ANKFN1: variants seen among roughly 807,000 people sequenced by gnomAD.
The protein encoded by ANKFN1 is ankyrin repeat and fibronectin type III domain containing 1.
ANKFN1 carries 74 observed loss-of-function variants against 108.7 expected under a neutral mutation model. That is an observed-to-expected ratio of 0.68 (90% CI 0.56 to 0.83). The LOEUF (loss-of-function observed/expected upper bound fraction) is 0.83, where lower values mean the gene tolerates loss of function less well. ANKFN1 is among the 40% of genes least tolerant of loss of function. The probability of loss-of-function intolerance (pLI) is 0.00; values close to 1 mark genes in which losing one functional copy is unlikely to be tolerated. For missense variants in ANKFN1, 1,505 were observed against 1,382.3 expected (o/e 1.09, Z -1.41); for synonymous variants, 547 against 516.2 (o/e 1.06, Z -0.81).
intron 18 of ANKFN1, among the ~76,000 whole-genome samples, chr17:56,483,440 T>A (rs2050772436): frequency 6.6e-6 from 1 of 152,208 alleles, no homozygotes; most frequent in Non-Finnish European, 1.5e-5. Flanking sequence ...GATGTCTCAT[T>A]TGAGCCCTGG....
rs1220822008 is a variant in ANKFN1 at position 56,188,579 on chromosome 17, G to GTATATATATATA, written c.-70-24018_-70-24017insATATATATATAT. On this transcript the variant is annotated intron_variant, in intron 1 of 20. Transcript: ENST00000682825. ...TGTGTGTGTATGTGTGTGTGTGTGT[G>GTATATATATATA]TGTATATATATATATATATATATAT... is the stretch of plus-strand genomic sequence containing the variant. 2.5e-3 allele frequency among the ~76,000 whole-genome samples: 178 copies of GTATATATATATA among 71,316 alleles called. 1 individual carries two copies. Among genetic ancestry groups the GTATATATATATA allele is most frequent in the African/African-American group, 0.011 (150 of 13,194 alleles). 46.8% of individuals were successfully genotyped at this position (71,316 alleles called of 152,430 possible).
intron 4 of ANKFN1, among the ~76,000 whole-genome samples, chr17:56,121,238 G>T (rs1393773380): frequency 1.3e-5 from 2 of 151,280 alleles, no homozygotes; most frequent in Non-Finnish European, 3.0e-5. Context: ...CCCAGGAGTT[G>T]TTCTTGCTTT....
At chr17:56,066,628 T>C (rs561977711) in intron 4 of ANKFN1, among the ~76,000 whole-genome samples, 1 of 152,272 alleles carries the variant, frequency 6.6e-6, no homozygotes, top group East Asian at 1.9e-4. Context: ...TCTTAACCAT[T>C]TTTAGGTTAA....
At chr17:56,354,228 A>G (rs186296252) in intron 6 of ANKFN1, among the ~76,000 whole-genome samples, 182 bp downstream of exon 6, 1 of 152,364 alleles carries the variant, frequency 6.6e-6, no homozygotes, top group African/African-American at 2.4e-5. Context: ...CTAAGCATCA[A>G]GTTCCTTTCT....
At chr17:56,273,500 T>C (rs2043843428) in intron 3 of ANKFN1, among the ~76,000 whole-genome samples, 1 of 152,168 alleles carries the variant, frequency 6.6e-6, no homozygotes, top group Non-Finnish European at 1.5e-5. Flanking sequence ...AGGATTTTGA[T>C]AATATTGTCA....
At chr17:56,315,098 A>C (rs1014571930) in intron 3 of ANKFN1, among the ~76,000 whole-genome samples, 2 of 152,174 alleles carry the variant, frequency 1.3e-5, no homozygotes, top group African/African-American at 4.8e-5. Context: ...TAATTCAATC[A>C]GTTAAAACAG....
chr17:56,499,533 G>A (rs2051302160), intron 20 of ANKFN1, among the ~76,000 whole-genome samples: 1 of 152,072 alleles, frequency 6.6e-6, no homozygotes, highest in African/African-American at 2.4e-5. Flanking sequence ...CCCAAACCTG[G>A]GTGAGAGTTT....
chr17:56,125,190 A>T (rs1453441272), intron 4 of ANKFN1, among the ~76,000 whole-genome samples: 2 of 152,120 alleles, frequency 1.3e-5, no homozygotes, highest in Non-Finnish European at 2.9e-5. Context: ...TTGACCTTTC[A>T]CTATGGGCAG....
At chr17:56,083,354 T>A (rs1021025965) in intron 4 of ANKFN1, among the ~76,000 whole-genome samples, 3 of 151,396 alleles carry the variant, frequency 2.0e-5, no homozygotes, top group African/African-American at 7.3e-5. Context: ...TGCTTGGGAC[T>A]AATGCCTTTG....
At chr17:56,167,234 G>T (rs1408354093) in intron 1 of ANKFN1, among the ~76,000 whole-genome samples, 1 of 142,720 alleles carries the variant, frequency 7.0e-6, no homozygotes, top group African/African-American at 2.6e-5. Context: ...TGTGTGCATA[G>T]ATGTGTGTGT....
At chr17:56,169,512 C>G (rs1910455722) in intron 1 of ANKFN1, among the ~76,000 whole-genome samples, 1 of 152,124 alleles carries the variant, frequency 6.6e-6, no homozygotes, top group African/African-American at 2.4e-5. Context: ...TCAAGTGATC[C>G]TTTCACTTCA....
chr17:56,427,538 G>A (rs1056536801), intron 8 of ANKFN1, among the ~76,000 whole-genome samples: 1 of 152,032 alleles, frequency 6.6e-6, no homozygotes, highest in African/African-American at 2.4e-5. Flanking sequence ...CTGCTTGGTG[G>A]TCACTGCCCC....
intron 3 of ANKFN1, among the ~76,000 whole-genome samples, chr17:56,295,457 C>A (rs1001932077): frequency 6.6e-5 from 10 of 152,042 alleles, no homozygotes; most frequent in African/African-American, 2.2e-4. Flanking sequence ...TGGGTCTCAC[C>A]CAAGACTCTT....
At chr17:56,188,782 A>T (rs924426407) in intron 1 of ANKFN1, among the ~76,000 whole-genome samples, 5 of 151,462 alleles carry the variant, frequency 3.3e-5, no homozygotes, top group Non-Finnish European at 7.4e-5. Context: ...ATCCTGGGTG[A>T]TAGGAGTGTC....
intron 4 of ANKFN1, among the ~76,000 whole-genome samples, chr17:56,054,727 C>CA (rs1567778391): frequency 6.6e-6 from 1 of 151,772 alleles, no homozygotes; most frequent in South Asian, 2.1e-4. Flanking sequence ...GCCTGGGCAA[C>CA]AAAAAATAAA....
At chr17:56,409,422 TAAG>T (rs1188118130) in intron 8 of ANKFN1, among the ~76,000 whole-genome samples, 4 of 152,102 alleles carry the variant, frequency 2.6e-5, no homozygotes, top group East Asian at 3.9e-4. Context: ...AAAACAAGCA[TAAG>T]AAGACCCTGG....
chr17:56,099,976 G>T (rs1905609459), intron 4 of ANKFN1, among the ~76,000 whole-genome samples: 1 of 152,228 alleles, frequency 6.6e-6, no homozygotes, highest in African/African-American at 2.4e-5. Context: ...AGGGAGACTG[G>T]TTTGGTGGCT....
intron 4 of ANKFN1, among the ~76,000 whole-genome samples, chr17:56,052,253 A>G (rs1431517375): frequency 6.6e-6 from 1 of 152,194 alleles, no homozygotes; most frequent in African/African-American, 2.4e-5. Flanking sequence ...TAGAAGCTTT[A>G]CTGACTTTTT....
rs117834367 is a variant in ANKFN1 at position 56,059,277 on chromosome 17, G to A, written c.288+12952G>A. Among the ~76,000 whole-genome samples, 1,443 of 151,912 alleles carry A rather than the reference G, an allele frequency of 9.5e-3. 6 individuals carry two copies. Among genetic ancestry groups the A allele is most frequent in the Non-Finnish European group, 0.015 (1,031 of 67,866 alleles). ...ATATACTTTGCCCACTTTTTTTGAG[G>A]GGTTGTTTTTTTCTTGTAAATTTGT... On this transcript the variant is annotated intron_variant, in intron 4 of 12. Coordinates refer to the ANKFN1 transcript ENST00000635860.
Sources: gnomAD v4.1 joint callset for allele counts (sites outside exome capture counted in the v4.1 genomes callset) on GRCh38, gnomAD v4.1.1 for gene constraint, MANE v1.5 for transcripts, NCBI Gene and HGNC (gene_info 2026-07-23, HGNC 2026-07-21) for gene names.